The following TET3 variants were observed in gnomAD, a reference collection of about 807,000 sequenced individuals.
TET3 encodes tet methylcytosine dioxygenase 3.
In TET3, 19 loss-of-function variants were observed where a neutral mutation model predicts 141.4. The ratio of observed to expected loss-of-function variants is 0.13; its 90% CI spans 0.09 to 0.20. The LOEUF (loss-of-function observed/expected upper bound fraction) is 0.20. Among genes scored for constraint, TET3 ranks in the 10% least tolerant of loss-of-function variants. The pLI is 1.00. For synonymous variants in TET3, 1,043 were observed against 980.9 expected (o/e 1.06, Z -1.18); for missense variants, 1,874 against 2,356.9 (o/e 0.80, Z 4.24).
chr2:74,017,386 C>G (rs797022162), intron 3 of TET3, among the ~76,000 whole-genome samples: 11 of 152,278 alleles, frequency 7.2e-5, no homozygotes, highest in African/African-American at 2.6e-4. Flanking sequence ...TTGGGTATTT[C>G]CCCTGCACCC....
the TET3 span, among the ~76,000 whole-genome samples, chr2:74,118,131 A>T: frequency 0.55 from 84,184 of 152,184 alleles, 25,898 homozygotes; most frequent in East Asian, 0.86. Context: ...ACGAGAGCAG[A>T]TACTATCACC....
rs553086322 is a variant in TET3 at position 74,101,307 on chromosome 2, C to T, written c.4519C>T (p.Arg1507Trp). 1.5e-5 allele frequency: 24 copies of T among 1,613,242 alleles called. 1 individual carries two copies. The East Asian group carries it at 2.2e-4, about 15-fold the overall frequency. The stretch of plus-strand genomic sequence containing the variant: ...GCAGGCAGCTTCCCACTCTGGAGGA[C>T]GGCTGCGAGGCAAACCGTGGAGCCC... ...GQQAASHSGG[R>W]LRGKPWSPCK... Residue 1507 changes from arginine to tryptophan, a missense_variant, in exon 12 of 12, where the codon CGG (arginine) becomes TGG (tryptophan). Physicochemically the swap from Arg to Trp is moderately radical, Grantham distance 101 (BLOSUM62 -3). Around this residue, in one of 10 missense-constraint regions of TET3, gnomAD observed 602 missense variants for 590.2 expected, o/e 1.02. Transcript: ENST00000409262. The surrounding 1 kb of genome is among the most constrained non-coding windows in gnomAD (Gnocchi z 8.5).
At chr2:74,075,516 A>G (rs1689456098) in intron 5 of TET3, among the ~76,000 whole-genome samples, 1 of 151,326 alleles carries the variant, frequency 6.6e-6, no homozygotes, top group Admixed American at 6.6e-5. Flanking sequence ...TTTAATAGAG[A>G]CGGGGTTTCA....
intron 11 of TET3, 48 bp from the exon 12 acceptor site, chr2:74,100,345 G>T (rs757628634): frequency 6.5e-7 from 1 of 1,535,826 alleles, no homozygotes; most frequent in Non-Finnish European, 8.8e-7. Context: ...GCCTCTCCAG[G>T]CTGTGGTGTT....
chr2:74,099,893 G>A (rs1463404660), intron 11 of TET3, among the ~76,000 whole-genome samples: 2 of 152,148 alleles, frequency 1.3e-5, no homozygotes, highest in Non-Finnish European at 2.9e-5. Flanking sequence ...TCCCCTCTGA[G>A]CTCTAGTTTG....
At chr2:74,018,548 A>T (rs1011930774) in intron 3 of TET3, among the ~76,000 whole-genome samples, 1 of 152,126 alleles carries the variant, frequency 6.6e-6, no homozygotes, top group Admixed American at 6.5e-5. Context: ...GTTATCCCCA[A>T]TCTATTTATT....
In TET3 at chr2:74,087,892, C is replaced by T; in HGVS notation, c.2742C>T (p.His914=). 2.6e-6 allele frequency: 4 copies of T among 1,551,856 alleles called. No individual in the cohort carries two copies. Among genetic ancestry groups the T allele is most frequent in the East Asian group, 2.4e-5 (1 of 40,922 alleles). ...LLCLVRHRAG[H]HCQNAVIVIL... is the part of the protein sequence containing the mutation. ...GCCTGGTGCGGCACCGGGCAGGCCA[C>T]CACTGCCAGAACGCTGTGATCGTCA... The change falls in exon 7 of 12, where the codon CAC becomes CAT. Residue 914 remains histidine, a synonymous_variant. Transcript: ENST00000409262. The surrounding 1 kb of genome is among the most constrained non-coding windows in gnomAD (Gnocchi z 4.3).
chr2:74,005,853 G>C (rs1179338729), intron 3 of TET3, among the ~76,000 whole-genome samples: 1 of 152,204 alleles, frequency 6.6e-6, no homozygotes, highest in Non-Finnish European at 1.5e-5. Flanking sequence ...GTCTACCCGT[G>C]ATATCTCAAG....
intron 8 of TET3, among the ~76,000 whole-genome samples, chr2:74,090,844 C>T (rs552079249): frequency 6.6e-6 from 1 of 152,312 alleles, no homozygotes; most frequent in South Asian, 2.1e-4. Context: ...GCCATTTTAC[C>T]TTCCTTCTGC....
At position 74,093,459 on chromosome 2, in the gene TET3, C is replaced by T. The variant is rs1429585789; in HGVS notation, c.3130-70C>T. 7 of 1,485,368 alleles carry T rather than the reference C, an allele frequency of 4.7e-6. No individual in the cohort carries two copies. The East Asian group carries it at 1.4e-4, about 30-fold the overall frequency. The allele number at this position is 1,485,368 out of a possible 1,614,324, so 92.0% of individuals were successfully genotyped here. ...AACATCCCTCCTTCCAAGACCTGGCCTCCCCAGGTGCAGAATCGGGGCCAC... is the reference window on the plus strand; with the variant it reads ...AACATCCCTCCTTCCAAGACCTGGCTTCCCCAGGTGCAGAATCGGGGCCAC... On this transcript the variant is annotated intron_variant, in intron 9 of 11. Transcript: ENST00000409262. The surrounding 1 kb of genome is among the most constrained non-coding windows in gnomAD (Gnocchi z 4.2).
rs1691553308 is a variant in TET3, at chr2:74,107,327, C to T, written c.*5151C>T. ...CTAAAGTTGCTTTTTGCCTAAGAATCAGCGAGCGATTTGGCCTACTTCCTC... is the reference window on the plus strand; with the variant it reads ...CTAAAGTTGCTTTTTGCCTAAGAATTAGCGAGCGATTTGGCCTACTTCCTC... On this transcript the variant is annotated 3_prime_UTR_variant, in exon 12 of 12. Transcript: ENST00000409262. 6.6e-6 allele frequency: 1 copy of T among 152,258 alleles called. No homozygotes were observed. Among genetic ancestry groups the T allele is most frequent in the African/African-American group, 2.4e-5 (1 of 41,462 alleles). The allele number at this position is 152,258 out of a possible 1,614,324, so 9.4% of individuals were successfully genotyped here.
chr2:74,031,073 G>C (rs960428563), intron 3 of TET3, among the ~76,000 whole-genome samples: 1 of 152,092 alleles, frequency 6.6e-6, no homozygotes, highest in Non-Finnish European at 1.5e-5. Flanking sequence ...AAGTGTGTCT[G>C]GTAGCTGGAA....
Position 74,048,332 on chromosome 2 carries a change from C to T in TET3, c.2415C>T (p.Tyr805=), listed in dbSNP as rs544731554. The change falls in exon 4 of 12, where the codon TAC becomes TAT. Residue 805 remains tyrosine (Y), a synonymous_variant. Transcript: ENST00000409262. ...GCTTCTTGGAGTCACCTCTTAAGTACCTGGACACACCCACCAAGAGTCTGC... is the reference window on the plus strand; with the variant it reads ...GCTTCTTGGAGTCACCTCTTAAGTATCTGGACACACCCACCAAGAGTCTGC... ...LSGFLESPLK[Y]LDTPTKSLLD... 74 of 1,613,898 alleles carry T rather than the reference C, an allele frequency of 4.6e-5. No individual in the cohort carries two copies. The South Asian group carries it at 7.8e-4, about 17-fold the overall frequency.
intron 2 of TET3, among the ~76,000 whole-genome samples, chr2:73,991,894 G>T (rs909206871): frequency 4.6e-5 from 7 of 152,188 alleles, no homozygotes; most frequent in African/African-American, 1.7e-4. Flanking sequence ...TGGGACTGGG[G>T]AAGGACTGAG....
chr2:74,063,893 CAAAAA>C (rs70965781), intron 4 of TET3, among the ~76,000 whole-genome samples: 3 of 106,302 alleles, frequency 2.8e-5, no homozygotes, highest in Non-Finnish European at 4.3e-5. Flanking sequence ...TCTCTGCAGA[CAAAAA>C]AAAAAAAAAA....
chr2:74,033,368 C>A (rs563035236), intron 3 of TET3, among the ~76,000 whole-genome samples: 15 of 152,162 alleles, frequency 9.9e-5, no homozygotes, highest in Non-Finnish European at 1.8e-4. Context: ...TATTTTGAAT[C>A]CTATTTTTTC....
chr2:74,047,852 G>T lies in TET3; in HGVS notation c.1935G>T (p.Pro645=). Residue 645 remains proline (P), a synonymous_variant, in exon 4 of 12, where the codon CCG becomes CCT. Transcript: ENST00000409262. The stretch of plus-strand genomic sequence containing the variant: ...CCCAGGAAGTGCAGGCTCATCCACC[G>T]GCCCCTCTGCCTGCCTCACAGGGCT... The part of the protein sequence containing the change: ...PASQEVQAHP[P]APLPASQGSA... 1 of 1,612,380 alleles carries T rather than the reference G, an allele frequency of 6.2e-7. No individual in the cohort carries two copies. The highest frequency in any genetic ancestry group is 8.5e-7 in the Non-Finnish European group (1 of 1,179,200).
intron 3 of TET3, among the ~76,000 whole-genome samples, chr2:74,038,870 G>A (rs535508547): frequency 1.2e-4 from 19 of 152,296 alleles, no homozygotes; most frequent in African/African-American, 4.3e-4. Context: ...AGCCTGTGGT[G>A]GAAAGGACTG....
the TET3 span, among the ~76,000 whole-genome samples, chr2:74,132,849 T>C: frequency 5.8e-3 from 888 of 152,302 alleles, 8 homozygotes; most frequent in African/African-American, 0.02. Context: ...GACTCTTAGC[T>C]GGACCCGTGT....
Sources: allele counts gnomAD v4.1 joint callset (sites outside exome capture counted in the v4.1 genomes callset), GRCh38; gene constraint gnomAD v4.1.1; regional missense constraint gnomAD v4.1.1; non-coding constraint Gnocchi (gnomAD v3.1); transcripts MANE v1.5; gene names NCBI Gene and HGNC (gene_info 2026-07-23, HGNC 2026-07-21).